EPB41L3: variants seen among roughly 807,000 people sequenced by gnomAD.
EPB41L3 encodes erythrocyte membrane protein band 4.1 like 3.
EPB41L3 carries 57 observed loss-of-function variants against 127.1 expected under a neutral mutation model. The observed-to-expected ratio is 0.45, with a 90% CI of 0.36 to 0.56. The LOEUF (loss-of-function observed/expected upper bound fraction) is 0.56, where lower values mean the gene tolerates loss of function less well. Ranked by LOEUF, EPB41L3 falls within the 20% of genes least tolerant of loss-of-function variation. The pLI is 0.00. For missense variants in EPB41L3, 1,273 were observed against 1,372.2 expected, an observed-to-expected ratio of 0.93 and a Z score of 1.14; for synonymous variants, 572 against 549.5, an observed-to-expected ratio of 1.04 and a Z score of -0.57.
chr18:5,415,669 C>G, intron 13 of EPB41L3, 149 bp downstream of exon 13: 2 of 818,080 alleles, frequency 2.4e-6, no homozygotes, highest in Non-Finnish European at 3.7e-6. Context: ...CCAGGTTGGA[C>G]TCCCCAACAC....
chr18:5,447,798 C>T (rs1291193790), intron 3 of EPB41L3, among the ~76,000 whole-genome samples: 2 of 152,172 alleles, frequency 1.3e-5, no homozygotes, highest in East Asian at 1.9e-4. Context: ...TTTTCTGGTT[C>T]CTCGCAATTT....
Position 5,407,704 on chromosome 18 carries a change from T to C in EPB41L3, c.2154A>G (p.Ala718=), listed in dbSNP as rs757921907. The C allele has an allele frequency of 6.2e-7, 1 of 1,613,978 alleles. No individual in the cohort carries two copies. Among genetic ancestry groups the C allele is most frequent in the Non-Finnish European group, 8.5e-7 (1 of 1,179,950 alleles). ...TGTTTTATTTTTAATTTTCTACCTG[T>C]GCCTTGAGCTCTGCATCTTCCTCCT... ...SDQEEDAELK[A]QELEKTQDDL... is the part of the protein sequence containing the mutation. Residue 718 remains alanine, a synonymous_variant, in exon 15 of 23, where the codon GCA becomes GCG. Coordinates refer to ENST00000341928, the MANE Select transcript of EPB41L3 (RefSeq NM_012307.5).
chr18:5,621,627 G>A (rs1377565616), intron 1 of EPB41L3, among the ~76,000 whole-genome samples: 1 of 152,164 alleles, frequency 6.6e-6, no homozygotes, highest in East Asian at 1.9e-4. Context: ...TGTGGTCTCA[G>A]CTATTCGGGA....
chr18:5,394,845 C>G (rs2073079272), intron 21 of EPB41L3, 52 bp from the exon 22 acceptor site: 1 of 1,545,306 alleles, frequency 6.5e-7, no homozygotes, highest in Admixed American at 1.7e-5. Flanking sequence ...GTGGAACATG[C>G]ATGATCAGTG....
rs530773395 is a variant in EPB41L3 at position 5,417,944 on chromosome 18, C to T, written c.1507-1566G>A. ...ACCCAGGGGATCCCAGCCTGGGAAA[C>T]GTGCCTCCTTCCCAGGCAACCTAGG... On this transcript the variant is annotated intron_variant, in intron 12 of 22. Coordinates refer to ENST00000341928, the MANE Select transcript of EPB41L3 (RefSeq NM_012307.5). Among the ~76,000 whole-genome samples the T allele has an allele frequency of 1.1e-4, 17 of 152,288 alleles. No individual in the cohort carries two copies. In the South Asian group the frequency reaches 3.3e-3, roughly 30 times the overall value.
intron 1 of EPB41L3, among the ~76,000 whole-genome samples, chr18:5,532,630 A>G (rs2093446477): frequency 6.6e-6 from 1 of 152,262 alleles, no homozygotes; most frequent in Admixed American, 6.5e-5. Flanking sequence ...AAACCAGGTC[A>G]AAAGATGGGT....
At chr18:5,594,612 G>C (rs889763292) in intron 3 of EPB41L3, among the ~76,000 whole-genome samples, 2 of 152,108 alleles carry the variant, frequency 1.3e-5, no homozygotes, top group Admixed American at 1.3e-4. Context: ...TTCAGACTAG[G>C]CAATATCATC....
intron 3 of EPB41L3, among the ~76,000 whole-genome samples, chr18:5,466,008 C>T (rs1433988508): frequency 6.6e-6 from 1 of 151,592 alleles, no homozygotes; most frequent in Non-Finnish European, 1.5e-5. Context: ...TATCAAATAT[C>T]AGTATGTAAC....
At position 5,610,251 on chromosome 18, in the gene EPB41L3, G is replaced by A. The variant is rs555123094; in HGVS notation, c.-306+2089C>T. ...AAGAAGGGTGAGCAAAAAAGAGAGA[G>A]AAAAAAATACTTTAGACATTGTTCA... On this transcript the variant is annotated intron_variant, in intron 3 of 21. Transcript: ENST00000545076. 1.8e-3 allele frequency: 1,774 copies of A among 985,278 alleles called. 1 individual carries two copies. Among genetic ancestry groups the A allele is most frequent in the South Asian group, 2.3e-3 (50 of 21,282 alleles). 61.0% of individuals were successfully genotyped at this position (985,278 alleles called of 1,614,324 possible).
Position 5,398,077 on chromosome 18 carries a change from G to A in EPB41L3, c.2416C>T (p.Arg806Ter), listed in dbSNP as rs781377051. 15 of 1,614,038 alleles carry A rather than the reference G, an allele frequency of 9.3e-6. No homozygotes were observed. The highest frequency in any genetic ancestry group is 2.2e-5 in the East Asian group (1 of 44,870). The change falls in exon 17 of 23, where the codon CGA (arginine) becomes TGA (stop). Residue 806 changes from arginine (R) to a stop codon, truncating the protein, a stop_gained. Transcript: ENST00000341928. LOFTEE classifies it high-confidence loss of function. ...SEIFSLLESA[R>*]KPTEFIGGVT... ...CCTCCTATGAATTCTGTTGGTTTTC[G>A]CGCAGACTCTAATAAACTGAAGATT...
intron 1 of EPB41L3, among the ~76,000 whole-genome samples, chr18:5,538,995 A>ATTTTTTTTTTTTTTTTTTTTTTTTT (rs757227800): frequency 1.7e-5 from 2 of 115,212 alleles, no homozygotes; most frequent in Non-Finnish European, 3.7e-5. Flanking sequence ...TTTCTCCAAG[A>ATTTTTTTTTTTTTTTTTTTTTTTTT]TTTTTTTTTT....
chr18:5,473,824 A>G (rs2086621071), intron 3 of EPB41L3, among the ~76,000 whole-genome samples: 1 of 152,226 alleles, frequency 6.6e-6, no homozygotes, highest in Non-Finnish European at 1.5e-5. Flanking sequence ...GTTGGCATAC[A>G]TGAAAATCTG....
chr18:5,531,923 A>G (rs1402144746), intron 1 of EPB41L3, among the ~76,000 whole-genome samples: 1 of 152,136 alleles, frequency 6.6e-6, no homozygotes, highest in Non-Finnish European at 1.5e-5. Flanking sequence ...TGTGTATTTT[A>G]AGTCAAAACA....
At chr18:5,459,527 T>G (rs1400760310) in intron 3 of EPB41L3, among the ~76,000 whole-genome samples, 1 of 152,310 alleles carries the variant, frequency 6.6e-6, no homozygotes, top group Non-Finnish European at 1.5e-5. Context: ...CTGTTTTAGA[T>G]CTTTTTGAGG....
chr18:5,524,755 T>TA (rs2093156231), intron 1 of EPB41L3, among the ~76,000 whole-genome samples: 1 of 152,190 alleles, frequency 6.6e-6, no homozygotes, highest in Non-Finnish European at 1.5e-5. Context: ...TGGGGAATGT[T>TA]TCTAGTGGAG....
chr18:5,456,397 C>A (rs1262821116), intron 3 of EPB41L3, among the ~76,000 whole-genome samples: 1 of 152,084 alleles, frequency 6.6e-6, no homozygotes, highest in Non-Finnish European at 1.5e-5. Flanking sequence ...AATGATATAT[C>A]ATTTCACCAG....
At chr18:5,570,047 G>A (rs1408368293) in intron 3 of EPB41L3, 1 of 152,114 alleles carries the variant, frequency 6.6e-6, no homozygotes. Flanking sequence ...GCTCTCAGGA[G>A]GTCTACAGGT....
chr18:5,446,439 C>T (rs572823133), intron 3 of EPB41L3, among the ~76,000 whole-genome samples: 81 of 152,114 alleles, frequency 5.3e-4, no homozygotes, highest in Non-Finnish European at 1.1e-3. Flanking sequence ...AAGTCTGTGA[C>T]GAATTAACTG....
chr18:5,619,886 G>C (rs762872425), intron 1 of EPB41L3, among the ~76,000 whole-genome samples: 22 of 152,286 alleles, frequency 1.4e-4, no homozygotes, highest in African/African-American at 3.1e-4. Context: ...ACGGTAAACA[G>C]TGAAAGTACT....
Sources: allele counts gnomAD v4.1 joint callset (sites outside exome capture counted in the v4.1 genomes callset), GRCh38; gene constraint gnomAD v4.1.1; transcripts MANE v1.5; gene names NCBI Gene and HGNC (gene_info 2026-07-23, HGNC 2026-07-21).